SLC35A2: variants seen among roughly 807,000 people sequenced by gnomAD.
SLC35A2 encodes UDP-galactose translocator.
In SLC35A2, 1 loss-of-function variant was observed where a neutral mutation model predicts 17.3. The ratio of observed to expected loss-of-function variants is 0.06; its 90% CI spans 0.02 to 0.27. The LOEUF (loss-of-function observed/expected upper bound fraction) is 0.27. Among genes scored for constraint, SLC35A2 ranks in the 10% least tolerant of loss-of-function variants. The probability of loss-of-function intolerance (pLI) is 1.00; values close to 1 mark genes in which losing one functional copy is unlikely to be tolerated. For synonymous variants in SLC35A2, 161 were observed against 161.3 expected, an observed-to-expected ratio of 1.00 and a Z score of 0.01; for missense variants, 191 against 339.3, an observed-to-expected ratio of 0.56 and a Z score of 3.43.
chrX:48,911,792 T>C, upstream of SLC35A2: 1 of 1,167,140 alleles, frequency 8.6e-7, no homozygotes, highest in Non-Finnish European at 1.1e-6. Context: ...AATGTATGAA[T>C]AGCCCCGGGA....
rs374961453 is a variant in SLC35A2, at chrX:48,911,565, C to A, written c.72G>T (p.Glu24Asp). 9.9e-5 allele frequency: 115 copies of A among 1,162,978 alleles called. No individual in the cohort carries two copies. The African/African-American group carries it at 1.7e-3, about 17-fold the overall frequency. Reference sequence around the variant, plus strand: ...TCTCACCCGCACTGGCGGTCCCCGGCTCCAATGCACCCGCGGAAACCGCCC... The same window carrying A: ...TCTCACCCGCACTGGCGGTCCCCGGATCCAATGCACCCGCGGAAACCGCCC... ...GPGAVSAGAL[E>D]PGTASAAHRR... The change falls in exon 1 of 5, where the codon GAG becomes GAT. Residue 24 changes from glutamate to aspartate, a missense_variant. Transcript: ENST00000247138.
chrX:48,908,540 C>A (rs1447711513), intron 2 of SLC35A2, among the ~76,000 whole-genome samples: 5 of 111,824 alleles, frequency 4.5e-5, no homozygotes, highest in Admixed American at 3.8e-4. Context: ...CACTCCTGGT[C>A]TCCAAACTCG....
At chrX:48,911,872 C>A (rs782406865), upstream of SLC35A2, 121 of 1,166,143 alleles carry the variant, frequency 1.0e-4, no homozygotes, top group East Asian at 3.1e-3. Context: ...CCCTACAGAG[C>A]TTCATCGGCC....
intron 4 of SLC35A2, 194 bp downstream of exon 4, chrX:48,904,552 G>A (rs782165747): frequency 1.4e-5 from 17 of 1,179,188 alleles, no homozygotes; most frequent in African/African-American, 1.8e-5. Context: ...AAGGGTTCAC[G>A]TGACACCCAG....
At chrX:48,909,721 A>G (rs1478453094) in intron 2 of SLC35A2, 93 bp downstream of exon 2, 2 of 797,586 alleles carry the variant, frequency 2.5e-6, no homozygotes, top group Non-Finnish European at 3.6e-6. Context: ...AGATTTGGAG[A>G]CACTCCTGAA....
intron 4 of SLC35A2, chrX:48,903,970 GAC>G (rs1557042325): frequency 1.3e-6 from 1 of 758,764 alleles, no homozygotes; most frequent in Non-Finnish European, 1.6e-6. Flanking sequence ...TCTGGCAACT[GAC>G]AGTGTCTTAA....
Position 48,911,368 on chromosome X carries a change from C to G in SLC35A2, c.91+178G>C, listed in dbSNP as rs201680120. On this transcript the variant is annotated intron_variant, in intron 1 of 4. Coordinates refer to ENST00000247138, the MANE Select transcript of SLC35A2 (RefSeq NM_005660.3). ...ACTCTCCATATGCGGAAGGATCCCA[C>G]AATCACTCTCAGAATGTTCTCTTCC... The G allele has an allele frequency of 5.9e-5, 35 of 588,755 alleles. No homozygotes were observed. In the East Asian group the frequency reaches 1.1e-3, roughly 19 times the overall value. 48.5% of individuals were successfully genotyped at this position (588,755 alleles called of 1,213,427 possible).
intron 1 of SLC35A2, 194 bp from the exon 2 acceptor site, chrX:48,910,190 G>A (rs1418602559): frequency 3.1e-5 from 31 of 1,001,843 alleles, no homozygotes; most frequent in Non-Finnish European, 3.9e-5. Flanking sequence ...TGAGCAGGAA[G>A]AGCCAGAAGG....
upstream of SLC35A2, chrX:48,911,914 C>G (rs782323226): frequency 8.6e-7 from 1 of 1,167,649 alleles, no homozygotes; most frequent in Non-Finnish European, 1.1e-6. Context: ...CTTATCCTGC[C>G]GTTCGTCCGC....
At chrX:48,908,365 C>G (rs1334198075) in intron 2 of SLC35A2, among the ~76,000 whole-genome samples, 1 of 111,026 alleles carries the variant, frequency 9.0e-6, no homozygotes, top group African/African-American at 3.3e-5. Flanking sequence ...CCACCTGCCT[C>G]TCGGCCTCCC....
intron 3 of SLC35A2, 96 bp downstream of exon 3, chrX:48,906,296 C>T (rs781809407): frequency 2.5e-6 from 2 of 793,404 alleles, no homozygotes; most frequent in East Asian, 3.4e-5. Flanking sequence ...GTGACATAGC[C>T]CCTGTCCTCT....
chrX:48,909,988 G>A lies in SLC35A2; in HGVS notation c.100C>T (p.Arg34Cys). The change falls in exon 2 of 5, where the codon CGC becomes TGC. Residue 34 changes from arginine to cysteine, a missense_variant. Coordinates refer to ENST00000247138, the MANE Select transcript of SLC35A2 (RefSeq NM_005660.3). ...ACAGCTAGGGATATGTACTTCAGGC[G>A]CCTGTGAGCTGTGGGGAACGGAAGG... is the stretch of plus-strand genomic sequence containing the variant. ...EPGTASAAHRRLKYISLAVLV... is the reference protein window; with the variant it reads ...EPGTASAAHRCLKYISLAVLV... The A allele has an allele frequency of 2.5e-6, 3 of 1,207,825 alleles. No individual in the cohort carries two copies. The highest frequency in any genetic ancestry group is 3.4e-6 in the Non-Finnish European group (3 of 893,355).
In SLC35A2 at chrX:48,906,509, C is replaced by T; in HGVS notation, c.309G>A (p.Glu103=). Residue 103 remains glutamate (E), a synonymous_variant, in exon 3 of 5, where the codon GAG becomes GAA. Transcript: ENST00000247138. Reference sequence around the variant, plus strand: ...TGTCCACATACTGCACCAGGACAGCCTCATGGAGGAAGAGAACCAGGTGCT... The same window carrying T: ...TGTCCACATACTGCACCAGGACAGCTTCATGGAGGAAGAGAACCAGGTGCT... ...NVKHLVLFLH[E]AVLVQYVDTL... 1 of 1,211,353 alleles carries T rather than the reference C, an allele frequency of 8.3e-7. No individual in the cohort carries two copies. The highest frequency in any genetic ancestry group is 1.1e-6 in the Non-Finnish European group (1 of 895,049).
intron 1 of SLC35A2, 184 bp from the exon 2 acceptor site, chrX:48,910,180 T>C (rs1360306112): frequency 1.0e-6 from 1 of 977,067 alleles, no homozygotes; most frequent in Admixed American, 2.6e-5. Context: ...GCCTCAGCCA[T>C]GAGCAGGAAG....
At chrX:48,910,811 C>T (rs1378788824) in intron 1 of SLC35A2, among the ~76,000 whole-genome samples, 1 of 110,639 alleles carries the variant, frequency 9.0e-6, no homozygotes, top group Admixed American at 9.6e-5. Context: ...GTTATCCCAC[C>T]AAGAAAGGTC....
At chrX:48,905,579 A>T in intron 3 of SLC35A2, 97 bp from the exon 4 acceptor site, 2 of 839,094 alleles carry the variant, frequency 2.4e-6, no homozygotes, top group Non-Finnish European at 3.3e-6. Flanking sequence ...GGCACAATGG[A>T]GGGACAGGGT....
chrX:48,904,310 C>T (rs1249504091), intron 4 of SLC35A2: 1 of 1,022,372 alleles, frequency 9.8e-7, no homozygotes, highest in Non-Finnish European at 1.2e-6. Flanking sequence ...ATCGGTCATT[C>T]CTGAAGAGCT....
intron 4 of SLC35A2, 95 bp from the exon 5 acceptor site, chrX:48,903,560 G>A: frequency 1.8e-6 from 1 of 550,823 alleles, no homozygotes; most frequent in Non-Finnish European, 3.2e-6. Flanking sequence ...GGTGAGGCTG[G>A]TAGTCCTGGG....
Position 48,908,720 on chromosome X carries a change from G to T in SLC35A2, c.274+1094C>A, listed in dbSNP as rs147394281. Among the ~76,000 whole-genome samples the T allele has an allele frequency of 6.8e-3, 762 of 112,117 alleles. 2 individuals carry two copies. The highest frequency in any genetic ancestry group is 0.01 in the Non-Finnish European group (541 of 53,229). On this transcript the variant is annotated intron_variant, in intron 2 of 4. Transcript: ENST00000247138. ...AACCCATCTACCCCCACGGCCTGAG[G>T]CAGTGTTCACACCTACACTGTTCAC...
Sources: gnomAD v4.1 joint callset for allele counts (sites outside exome capture counted in the v4.1 genomes callset) on GRCh38, gnomAD v4.1.1 for gene constraint, MANE v1.5 for transcripts, NCBI Gene and HGNC (gene_info 2026-07-23, HGNC 2026-07-21) for gene names.